The following IGHMBP2 variants were observed in gnomAD, a reference collection of about 807,000 sequenced individuals.
IGHMBP2 encodes the protein DNA-binding protein SMUBP-2.
IGHMBP2 carries 81 observed loss-of-function variants against 96.0 expected under a neutral mutation model. That is an observed-to-expected ratio of 0.84 (90% CI 0.71 to 1.01). The LOEUF (loss-of-function observed/expected upper bound fraction) is 1.01, where lower values mean the gene tolerates loss of function less well. Among genes scored for constraint, IGHMBP2 ranks in the 50% least tolerant of loss-of-function variants. The pLI, the probability that IGHMBP2 is intolerant of heterozygous loss-of-function variation, is 0.00. For synonymous variants in IGHMBP2, 557 were observed against 548.9 expected (o/e 1.01, Z -0.21); for missense variants, 1,227 against 1,306.3 (o/e 0.94, Z 0.94).
intron 12 of IGHMBP2, 83 bp from the exon 13 acceptor site, chr11:68,936,154 G>C: frequency 6.6e-7 from 1 of 1,517,828 alleles, no homozygotes; most frequent in Non-Finnish European, 9.1e-7. Context: ...CACTTTTGGT[G>C]GTGGTTACTG....
At chr11:68,933,216 G>A in intron 8 of IGHMBP2, 83 bp from the exon 9 acceptor site, 1 of 1,388,370 alleles carries the variant, frequency 7.2e-7, no homozygotes, top group Non-Finnish European at 1.0e-6. Flanking sequence ...GAGGTTTGGG[G>A]CCTGTCCTCC....
chr11:68,918,367 C>T (rs538766388), intron 7 of IGHMBP2, among the ~76,000 whole-genome samples: 44 of 151,218 alleles, frequency 2.9e-4, no homozygotes, highest in Middle Eastern at 3.5e-3. Flanking sequence ...CTCTGCCAGG[C>T]GCAGTGGCTC....
intron 7 of IGHMBP2, among the ~76,000 whole-genome samples, 185 bp downstream of exon 7, chr11:68,918,068 C>T (rs1392665302): frequency 6.6e-6 from 1 of 152,164 alleles, no homozygotes; most frequent in African/African-American, 2.4e-5. Context: ...ACTACAAATT[C>T]AACTTCTTCA....
At chr11:68,930,017 C>G (rs992741377) in intron 8 of IGHMBP2, 2 of 1,097,660 alleles carry the variant, frequency 1.8e-6, no homozygotes, top group African/African-American at 3.4e-5. Flanking sequence ...GCACTCACTG[C>G]TTCAGCCACA....
chr11:68,937,235 A>C, intron 13 of IGHMBP2, 144 bp downstream of exon 13: 2 of 1,064,990 alleles, frequency 1.9e-6, no homozygotes, highest in Non-Finnish European at 2.8e-6. Flanking sequence ...ATTTTCAGTC[A>C]TGCCACTCCC....
In IGHMBP2 at chr11:68,918,795, G is replaced by A. The variant is rs181335517; in HGVS notation, c.1060+912G>A. Among the ~76,000 whole-genome samples, 34 of 152,126 alleles carry A rather than the reference G, an allele frequency of 2.2e-4. 1 individual carries two copies. In the South Asian group the frequency reaches 5.4e-3, roughly 24 times the overall value. ...TGCTAGGATTACAGGTGGACCCACC[G>A]CGCCCGGCCTGGCTGCAGGTTTCAA... On this transcript the variant is annotated intron_variant, in intron 7 of 14. Transcript: ENST00000255078.
At chr11:68,937,468 C>T (rs769788113) in intron 13 of IGHMBP2, among the ~76,000 whole-genome samples, 1 of 152,244 alleles carries the variant, frequency 6.6e-6, no homozygotes, top group Non-Finnish European at 1.5e-5. Context: ...TCTTGCACAG[C>T]GAAAGGGTGC....
chr11:68,911,396 G>A, intron 4 of IGHMBP2, 44 bp from the exon 5 acceptor site: 2 of 1,605,104 alleles, frequency 1.2e-6, no homozygotes, highest in Non-Finnish European at 8.5e-7. Context: ...CACCCACAGA[G>A]CTCCCCAGAG....
intron 4 of IGHMBP2, among the ~76,000 whole-genome samples, chr11:68,909,632 T>TC (rs1014331671): frequency 9.9e-5 from 15 of 150,836 alleles, no homozygotes; most frequent in African/African-American, 3.2e-4. Flanking sequence ...GAAAAATCTT[T>TC]TTTTTTTTTT....
At chr11:68,924,234 T>C (rs1411824481) in intron 7 of IGHMBP2, among the ~76,000 whole-genome samples, 2 of 152,230 alleles carry the variant, frequency 1.3e-5, no homozygotes, top group Non-Finnish European at 2.9e-5. Context: ...TTCTCTCTTG[T>C]AGCCAGGAGA....
intron 4 of IGHMBP2, among the ~76,000 whole-genome samples, chr11:68,908,838 T>G: frequency 6.9e-6 from 1 of 143,994 alleles, no homozygotes; most frequent in East Asian, 2.0e-4. Flanking sequence ...CTCGTTCCAT[T>G]GAGGTTTTTT....
At chr11:68,934,820 C>T (rs1483593787) in intron 11 of IGHMBP2, among the ~76,000 whole-genome samples, 1 of 152,254 alleles carries the variant, frequency 6.6e-6, no homozygotes, top group Non-Finnish European at 1.5e-5. Context: ...TGCTGGGTGA[C>T]CCCGGCAGCC....
intron 2 of IGHMBP2, 51 bp downstream of exon 2, chr11:68,906,289 C>G (rs377313089): frequency 7.4e-5 from 116 of 1,576,606 alleles, no homozygotes; most frequent in Non-Finnish European, 7.1e-5. Context: ...GCATTCAGAC[C>G]GTGACTTGTA....
intron 8 of IGHMBP2, chr11:68,930,260 A>G: frequency 2.3e-6 from 3 of 1,281,498 alleles, no homozygotes; most frequent in Middle Eastern, 2.2e-4. Flanking sequence ...CCGGGGGAAG[A>G]TTGATTTCTT....
At position 68,938,194 on chromosome 11, in the gene IGHMBP2, C is replaced by A; in HGVS notation, c.2624C>A (p.Thr875Lys). ...KKKKAKGHPA[T>K]DLPTEEDFEA... ...GGGTCTTCTCCAGGACATCCGGCCA[C>A]AGATCTGCCCACGGAGGAGGACTTT... Residue 875 changes from threonine (T) to lysine (K), a missense_variant, in exon 14 of 15, where the codon ACA (threonine) becomes AAA (lysine). Transcript: ENST00000255078. 1 of 1,614,082 alleles carries A rather than the reference C, an allele frequency of 6.2e-7. No homozygotes were observed. Among genetic ancestry groups the A allele is most frequent in the South Asian group, 1.1e-5 (1 of 91,082 alleles).
intron 8 of IGHMBP2, 198 bp from the exon 9 acceptor site, chr11:68,933,101 T>C: frequency 1.6e-6 from 1 of 615,728 alleles, no homozygotes; most frequent in South Asian, 1.8e-5. Context: ...TAAGGGAACA[T>C]TCACGGGCCT....
At chr11:68,906,590 A>G (rs1054280294) in intron 2 of IGHMBP2, among the ~76,000 whole-genome samples, 1 of 149,924 alleles carries the variant, frequency 6.7e-6, no homozygotes, top group Admixed American at 6.6e-5. Context: ...TTTTTCATAT[A>G]TTGGGTTAAA....
At chr11:68,924,529 A>T (rs1009708640) in intron 7 of IGHMBP2, among the ~76,000 whole-genome samples, 1 of 152,226 alleles carries the variant, frequency 6.6e-6, no homozygotes, top group African/African-American at 2.4e-5. Flanking sequence ...CCTGGAAAGG[A>T]TCTTTCTTCA....
chr11:68,924,228 C>G (rs1252368970), intron 7 of IGHMBP2, among the ~76,000 whole-genome samples: 3 of 152,208 alleles, frequency 2.0e-5, no homozygotes, highest in South Asian at 2.1e-4. Context: ...CGCACATTCT[C>G]TCTTGTAGCC....
Sources: gnomAD v4.1 joint callset for allele counts (sites outside exome capture counted in the v4.1 genomes callset) on GRCh38, gnomAD v4.1.1 for gene constraint, MANE v1.5 for transcripts, NCBI Gene and HGNC (gene_info 2026-07-23, HGNC 2026-07-21) for gene names.